Variants in NDUFAF2 observed in about 807,000 individuals in gnomAD.
NDUFAF2 encodes the protein NADH dehydrogenase [ubiquinone] 1 alpha subcomplex assembly factor 2.
A neutral mutation model predicts 22.8 loss-of-function variants in NDUFAF2; 13 were observed. The observed-to-expected ratio is 0.57, with a 90% CI of 0.37 to 0.91. The LOEUF is 0.91. Among genes scored for constraint, NDUFAF2 ranks in the 40% least tolerant of loss-of-function variants. The pLI is 0.01. For synonymous variants in NDUFAF2, 53 were observed against 64.2 expected (o/e 0.83, Z 0.84); for missense variants, 162 against 195.2 (o/e 0.83, Z 1.01).
rs899597979 is a variant in NDUFAF2 at position 61,068,713 on chromosome 5, C to G, written c.128-4412C>G. Among the ~76,000 whole-genome samples, 4 of 152,144 alleles carry G rather than the reference C, an allele frequency of 2.6e-5. No homozygotes were observed. The East Asian group carries it at 7.7e-4, about 29-fold the overall frequency. ...GTTAATTGATTTAAGATGTGTCTTC[C>G]ACATTCTGAAACACCTTAATGAAAG... On this transcript the variant is annotated intron_variant, in intron 1 of 3. Coordinates refer to ENST00000296597, the MANE Select transcript of NDUFAF2 (RefSeq NM_174889.5).
chr5:61,012,780 A>G (rs931561200), intron 1 of NDUFAF2, among the ~76,000 whole-genome samples: 1 of 152,090 alleles, frequency 6.6e-6, no homozygotes, highest in Non-Finnish European at 1.5e-5. Context: ...TCTAACTAGA[A>G]TGAATATTTT....
At chr5:61,105,615 G>A (rs10056584) in intron 3 of NDUFAF2, among the ~76,000 whole-genome samples, 2,441 of 124,028 alleles carry the variant, frequency 0.02, 150 homozygotes, top group African/African-American at 0.072. Flanking sequence ...AATCTCAGAA[G>A]CAATGATACT....
At chr5:61,114,917 C>G (rs761795624) in intron 3 of NDUFAF2, 5 of 152,194 alleles carry the variant, frequency 3.3e-5, no homozygotes. Flanking sequence ...CATGTTACCA[C>G]CAGTGATGTT....
At chr5:61,034,914 G>GT (rs1751777948) in intron 1 of NDUFAF2, among the ~76,000 whole-genome samples, 1 of 65,932 alleles carries the variant, frequency 1.5e-5, no homozygotes, top group East Asian at 9.8e-4. Flanking sequence ...AAATATATAT[G>GT]TGTGTGTGTG....
intron 3 of NDUFAF2, 67 bp downstream of exon 3, chr5:61,099,099 A>G (rs1286516629): frequency 9.1e-7 from 1 of 1,102,062 alleles, no homozygotes; most frequent in East Asian, 2.5e-5. Flanking sequence ...AGCTTCAGAA[A>G]AACTATGATG....
At chr5:61,030,371 A>G (rs1000786411) in intron 1 of NDUFAF2, among the ~76,000 whole-genome samples, 1 of 152,106 alleles carries the variant, frequency 6.6e-6, no homozygotes, top group Admixed American at 6.6e-5. Context: ...TATACAGACC[A>G]TCCAATTCTT....
intron 3 of NDUFAF2, among the ~76,000 whole-genome samples, chr5:61,130,338 A>G (rs1753093388): frequency 1.3e-5 from 2 of 152,070 alleles, no homozygotes; most frequent in Non-Finnish European, 2.9e-5. Flanking sequence ...CTCTTCCTAA[A>G]TTTGTTGTAT....
intron 1 of NDUFAF2, among the ~76,000 whole-genome samples, chr5:60,965,104 G>T (rs960513396): frequency 7.2e-5 from 11 of 152,070 alleles, no homozygotes; most frequent in Admixed American, 1.3e-4. Flanking sequence ...AGGTTTTTCC[G>T]ATTTTTCAAC....
At chr5:61,064,777 A>G (rs1376057279) in intron 1 of NDUFAF2, among the ~76,000 whole-genome samples, 1 of 152,098 alleles carries the variant, frequency 6.6e-6, no homozygotes, top group Non-Finnish European at 1.5e-5. Flanking sequence ...TGTTAAAAAG[A>G]AGAAAGATTT....
At chr5:61,036,161 T>C (rs1333635343) in intron 1 of NDUFAF2, among the ~76,000 whole-genome samples, 1 of 152,210 alleles carries the variant, frequency 6.6e-6, no homozygotes, top group East Asian at 1.9e-4. Context: ...TCACCCTTGT[T>C]CCACTGGCCA....
chr5:60,967,840 G>A (rs915543615), intron 1 of NDUFAF2, among the ~76,000 whole-genome samples: 4 of 150,310 alleles, frequency 2.7e-5, no homozygotes, highest in Non-Finnish European at 4.4e-5. Context: ...TTGGTATCTA[G>A]TAATGCTGGC....
chr5:61,104,662 A>C (rs1211231698), intron 3 of NDUFAF2, among the ~76,000 whole-genome samples: 1 of 152,088 alleles, frequency 6.6e-6, no homozygotes, highest in African/African-American at 2.4e-5. Context: ...GTTCATGTCT[A>C]AGGTTGCTTG....
intron 1 of NDUFAF2, among the ~76,000 whole-genome samples, chr5:60,980,050 G>T (rs1750956371): frequency 6.6e-6 from 1 of 152,190 alleles, no homozygotes; most frequent in African/African-American, 2.4e-5. Flanking sequence ...CCACCAACGT[G>T]TACCTCAATA....
chr5:61,034,661 T>A (rs911278838), intron 1 of NDUFAF2, among the ~76,000 whole-genome samples: 56 of 152,302 alleles, frequency 3.7e-4, no homozygotes, highest in African/African-American at 1.3e-3. Flanking sequence ...ATATTTTTGA[T>A]ACATTATATA....
At chr5:61,007,680 A>G (rs1751386082) in intron 1 of NDUFAF2, among the ~76,000 whole-genome samples, 1 of 152,202 alleles carries the variant, frequency 6.6e-6, no homozygotes, top group Non-Finnish European at 1.5e-5. Context: ...GTGGAGAAAT[A>G]GGAACACTTT....
chr5:60,949,964 T>TTGAA (rs1375940993), intron 1 of NDUFAF2, among the ~76,000 whole-genome samples: 1 of 152,220 alleles, frequency 6.6e-6, no homozygotes, highest in Non-Finnish European at 1.5e-5. Flanking sequence ...CTACTAGTTC[T>TTGAA]TGAATGAAGC....
chr5:61,065,803 C>T (rs1752219592), intron 1 of NDUFAF2, among the ~76,000 whole-genome samples: 1 of 151,944 alleles, frequency 6.6e-6, no homozygotes, highest in Non-Finnish European at 1.5e-5. Flanking sequence ...GACATGCACT[C>T]CTGCCACTTC....
intron 1 of NDUFAF2, among the ~76,000 whole-genome samples, chr5:61,021,947 G>A (rs556768144): frequency 6.6e-6 from 1 of 152,310 alleles, no homozygotes; most frequent in Non-Finnish European, 1.5e-5. Context: ...GGGAAAAATT[G>A]TGGTTCTAAA....
At chr5:60,948,152 G>A (rs953271136) in intron 1 of NDUFAF2, among the ~76,000 whole-genome samples, 2 of 152,042 alleles carry the variant, frequency 1.3e-5, no homozygotes, top group African/African-American at 4.8e-5. Flanking sequence ...CTGCTTCCAT[G>A]GATAGGCACT....
Sources: gnomAD v4.1 joint callset for allele counts (sites outside exome capture counted in the v4.1 genomes callset) on GRCh38, gnomAD v4.1.1 for gene constraint, MANE v1.5 for transcripts, NCBI Gene and HGNC (gene_info 2026-07-23, HGNC 2026-07-21) for gene names.